SEC63: variants seen among roughly 807,000 people sequenced by gnomAD.
SEC63 encodes translocation protein SEC63 homolog.
SEC63 carries 56 observed loss-of-function variants against 116.2 expected under a neutral mutation model. The observed-to-expected ratio is 0.48, with a 90% CI of 0.39 to 0.60. The LOEUF is 0.60. Among genes scored for constraint, SEC63 ranks in the 20% least tolerant of loss-of-function variants. The pLI is 0.00. For missense variants in SEC63, 668 were observed against 900.0 expected (o/e 0.74, Z 3.30); for synonymous variants, 273 against 294.6 (o/e 0.93, Z 0.75).
chr6:107,925,204 T>G (rs1454147610), intron 2 of SEC63, among the ~76,000 whole-genome samples: 1 of 152,190 alleles, frequency 6.6e-6, no homozygotes, highest in African/African-American at 2.4e-5. Context: ...TGAATTCAAC[T>G]TATTAACTTA....
chr6:107,937,461 C>T (rs571217077), intron 1 of SEC63, among the ~76,000 whole-genome samples: 1 of 152,274 alleles, frequency 6.6e-6, no homozygotes, highest in South Asian at 2.1e-4. Context: ...TATTGATAGA[C>T]ACCTGGGTTG....
intron 3 of SEC63, among the ~76,000 whole-genome samples, chr6:107,924,572 T>A (rs1028841996): frequency 6.6e-6 from 1 of 151,986 alleles, no homozygotes; most frequent in Admixed American, 6.6e-5. Context: ...TAAAAAAAAA[T>A]GTTAACCTCT....
intron 4 of SEC63, among the ~76,000 whole-genome samples, chr6:107,914,499 A>G (rs1451660229): frequency 6.6e-6 from 1 of 152,158 alleles, no homozygotes; most frequent in East Asian, 1.9e-4. Context: ...TTTTAAATTT[A>G]TCAATTTAGT....
At chr6:107,942,493 G>A (rs1329137620) in intron 1 of SEC63, among the ~76,000 whole-genome samples, 2 of 152,038 alleles carry the variant, frequency 1.3e-5, no homozygotes, top group African/African-American at 4.8e-5. Context: ...TATCCACTAC[G>A]TACCCGGACT....
At chr6:107,877,974 A>C (rs985537201) in intron 18 of SEC63, among the ~76,000 whole-genome samples, 2 of 152,230 alleles carry the variant, frequency 1.3e-5, no homozygotes, top group Admixed American at 1.3e-4. Flanking sequence ...GAGGGTTAGG[A>C]CTACCACTGT....
intron 1 of SEC63, among the ~76,000 whole-genome samples, chr6:107,935,799 AAT>A: frequency 8.2e-6 from 1 of 121,708 alleles, no homozygotes; most frequent in African/African-American, 2.9e-5. Context: ...AAAAAAATAA[AAT>A]AAAATAAAAT....
chr6:107,884,759 A>G (rs1289409078), intron 16 of SEC63, among the ~76,000 whole-genome samples: 2 of 152,160 alleles, frequency 1.3e-5, no homozygotes, highest in South Asian at 2.1e-4. Context: ...TGACAAACCA[A>G]TATTTGCTCT....
chr6:107,934,460 GT>G (rs1770139887), intron 1 of SEC63, among the ~76,000 whole-genome samples: 1 of 142,326 alleles, frequency 7.0e-6, no homozygotes, highest in African/African-American at 2.7e-5. Context: ...CGTCTGGGAG[GT>G]GAGGAGCGTC....
At chr6:107,893,797 C>T (rs776283420) in intron 15 of SEC63, 41 bp downstream of exon 15, 1 of 1,610,656 alleles carries the variant, frequency 6.2e-7, no homozygotes. Context: ...TAAAATATTT[C>T]TTTCACTAGG....
At chr6:107,904,802 T>C (rs1027296225) in intron 10 of SEC63, 81 bp from the exon 11 acceptor site, 1 of 993,806 alleles carries the variant, frequency 1.0e-6, no homozygotes, top group Middle Eastern at 2.3e-4. Context: ...CCAAAACTAA[T>C]ATTAAAGTTA....
chr6:107,949,105 CTT>C (rs1246824307), intron 1 of SEC63, among the ~76,000 whole-genome samples: 14 of 152,334 alleles, frequency 9.2e-5, no homozygotes, highest in South Asian at 2.1e-4. Flanking sequence ...TACATCCACA[CTT>C]TGTTTTCTAA....
intron 4 of SEC63, among the ~76,000 whole-genome samples, 164 bp from the exon 5 acceptor site, chr6:107,913,591 C>G (rs1188738539): frequency 6.6e-6 from 1 of 152,094 alleles, no homozygotes; most frequent in Non-Finnish European, 1.5e-5. Context: ...AAGGGAGGAG[C>G]AAGAAATGCG....
chr6:107,876,514 G>T, intron 19 of SEC63, 50 bp downstream of exon 19: 1 of 1,054,426 alleles, frequency 9.5e-7, no homozygotes, highest in Non-Finnish European at 1.5e-6. Flanking sequence ...CAGCATGATG[G>T]TGACAGCTGT....
chr6:107,901,387 A>G lies in SEC63; in HGVS notation c.1340T>C (p.Met447Thr). ...CCACTTACCCTGTGATTTTATATCC[A>G]TGGTCACATATGGAAAACTCCCAAG... Reference protein sequence around the residue: ...AVLGSFPYVTMDIKSQVLDDE... With the variant: ...AVLGSFPYVTTDIKSQVLDDE... The change falls in exon 13 of 21, where the codon ATG becomes ACG. Residue 447 changes from methionine to threonine, a missense_variant. By Grantham distance (81) the Met-to-Thr change is moderately conservative. Coordinates refer to ENST00000369002, the MANE Select transcript of SEC63 (RefSeq NM_007214.5). The G allele has an allele frequency of 1.2e-6, 2 of 1,613,072 alleles. No individual in the cohort carries two copies. Among genetic ancestry groups the G allele is most frequent in the Non-Finnish European group, 1.7e-6 (2 of 1,179,746 alleles).
rs74707806 is a variant in SEC63, at chr6:107,895,237, C to A, written c.1441-1340G>T. On this transcript the variant is annotated intron_variant, in intron 14 of 20. Transcript: ENST00000369002. The stretch of plus-strand genomic sequence containing the variant: ...ACCAAATTTTTGCTCATTTTTCAGG[C>A]TGGGAAGTCCAAAGGATATGGGTAG... 2.4e-4 allele frequency among the ~76,000 whole-genome samples: 37 copies of A among 152,276 alleles called. 1 individual carries two copies. In the East Asian group the frequency reaches 6.6e-3, roughly 27 times the overall value.
At chr6:107,923,695 T>A (rs1465391795) in intron 3 of SEC63, among the ~76,000 whole-genome samples, 1 of 145,066 alleles carries the variant, frequency 6.9e-6, no homozygotes, top group East Asian at 2.0e-4. Flanking sequence ...CCAGGTAATT[T>A]TTTTTTTTTT....
In SEC63 at chr6:107,919,753, C is replaced by T. The variant is rs1430388541; in HGVS notation, c.452+2044G>A. Among the ~76,000 whole-genome samples, 8 of 151,048 alleles carry T rather than the reference C, an allele frequency of 5.3e-5. No homozygotes were observed. The South Asian group carries it at 6.3e-4, about 12-fold the overall frequency. The stretch of plus-strand genomic sequence containing the variant: ...AGGAGAATGGCGTGAACCCGGGAGG[C>T]GGAAGTTGCAGTGAGCCAAGATCGC... On this transcript the variant is annotated intron_variant, in intron 4 of 20. Transcript: ENST00000369002.
chr6:107,905,363 T>C (rs1267897643), intron 10 of SEC63, among the ~76,000 whole-genome samples: 1 of 152,198 alleles, frequency 6.6e-6, no homozygotes, highest in Admixed American at 6.5e-5. Context: ...AAGCATCCTG[T>C]CCTATCACCA....
intron 18 of SEC63, among the ~76,000 whole-genome samples, chr6:107,879,337 T>C (rs1030640148): frequency 6.6e-6 from 1 of 152,164 alleles, no homozygotes; most frequent in Non-Finnish European, 1.5e-5. Flanking sequence ...CTAATGTTTT[T>C]ATTTTTGAGA....
Sources: gnomAD v4.1 joint callset for allele counts (sites outside exome capture counted in the v4.1 genomes callset) on GRCh38, gnomAD v4.1.1 for gene constraint, MANE v1.5 for transcripts, NCBI Gene and HGNC (gene_info 2026-07-23, HGNC 2026-07-21) for gene names.